CCDC138: variants seen among roughly 807,000 people sequenced by gnomAD.
CCDC138 encodes coiled-coil domain containing 138, also known as coiled-coil domain-containing protein 138.
CCDC138 carries 66 observed loss-of-function variants against 82.3 expected under a neutral mutation model. That is an observed-to-expected ratio of 0.80 (90% CI 0.66 to 0.98). The LOEUF (loss-of-function observed/expected upper bound fraction) is 0.98, where lower values mean the gene tolerates loss of function less well. CCDC138 is among the 50% of genes least tolerant of loss of function. The pLI is 0.00. For missense variants in CCDC138, 816 were observed against 758.9 expected (o/e 1.08, Z -0.88); for synonymous variants, 297 against 265.4 (o/e 1.12, Z -1.16).
At chr2:108,790,887 G>A (rs961230393) in intron 3 of CCDC138, among the ~76,000 whole-genome samples, 1 of 151,962 alleles carries the variant, frequency 6.6e-6, no homozygotes, top group East Asian at 1.9e-4. Flanking sequence ...GAGTAGCTGG[G>A]ACTACAGACG....
At chr2:108,789,612 C>CA (rs1679563156) in intron 3 of CCDC138, among the ~76,000 whole-genome samples, 4 of 151,744 alleles carry the variant, frequency 2.6e-5, no homozygotes, top group Non-Finnish European at 5.9e-5. Flanking sequence ...AAACGAACTA[C>CA]AAAAAAAACT....
In CCDC138 at chr2:108,831,100, C is replaced by T. The variant is rs144448242; in HGVS notation, c.1207-8085C>T. ...TGAGGCACCAGAATCGCTTAAACCC[C>T]GGAGGCAGAAGTTTCAGTGAGCCAA... On this transcript the variant is annotated intron_variant, in intron 10 of 14. Transcript: ENST00000295124. Among the ~76,000 whole-genome samples the T allele has an allele frequency of 5.6e-3, 853 of 151,932 alleles. 4 individuals are homozygous for T. Among genetic ancestry groups the T allele is most frequent in the South Asian group, 0.034 (164 of 4,822 alleles).
intron 5 of CCDC138, 87 bp from the exon 6 acceptor site, chr2:108,798,341 G>A: frequency 6.8e-7 from 1 of 1,463,936 alleles, no homozygotes; most frequent in Non-Finnish European, 9.2e-7. Flanking sequence ...AAAACCACTT[G>A]GTTAAACCAC....
intron 11 of CCDC138, 77 bp downstream of exon 11, chr2:108,839,378 G>GATA: frequency 8.3e-7 from 1 of 1,199,056 alleles, no homozygotes; most frequent in Non-Finnish European, 1.2e-6. Flanking sequence ...CACAATATCT[G>GATA]TTTTGAATAT....
chr2:108,831,031 C>T (rs903339602), intron 10 of CCDC138, among the ~76,000 whole-genome samples: 2 of 151,944 alleles, frequency 1.3e-5, no homozygotes, highest in Non-Finnish European at 2.9e-5. Flanking sequence ...AAAAATTAGC[C>T]AGGCATGGTG....
intron 6 of CCDC138, among the ~76,000 whole-genome samples, chr2:108,799,053 C>CG (rs558778006): frequency 1.3e-4 from 20 of 151,472 alleles, no homozygotes; most frequent in African/African-American, 4.1e-4. Context: ...GTTTGTGGGG[C>CG]GGGGGGGTTG....
intron 6 of CCDC138, among the ~76,000 whole-genome samples, chr2:108,803,300 G>C (rs891300908): frequency 2.0e-5 from 3 of 152,080 alleles, no homozygotes; most frequent in African/African-American, 7.2e-5. Flanking sequence ...AGGATCCTCT[G>C]TTTGAGTCTC....
intron 13 of CCDC138, among the ~76,000 whole-genome samples, chr2:108,872,973 C>T (rs1073895): frequency 0.14 from 21,643 of 151,984 alleles, 2,642 homozygotes; most frequent in African/African-American, 0.33. Context: ...GAATCTTTTC[C>T]CTTTTTGCTT....
At chr2:108,816,638 C>G (rs775917045) in intron 10 of CCDC138, among the ~76,000 whole-genome samples, 1 of 152,042 alleles carries the variant, frequency 6.6e-6, no homozygotes, top group African/African-American at 2.4e-5. Context: ...ATCCATGAAC[C>G]CTTGGATGAA....
intron 2 of CCDC138, chr2:108,884,654 G>A (rs1206332820): frequency 3.3e-5 from 5 of 152,182 alleles, no homozygotes; most frequent in Admixed American, 3.3e-4. Flanking sequence ...TTTGGCCAAG[G>A]AGCAAATGAC....
intron 6 of CCDC138, 113 bp downstream of exon 6, chr2:108,798,699 C>A: frequency 2.9e-6 from 2 of 691,302 alleles, no homozygotes; most frequent in Non-Finnish European, 2.4e-6. Flanking sequence ...TCCTCCTCCT[C>A]TCCACGCCTA....
At chr2:108,864,499 A>C (rs1241257905) in intron 13 of CCDC138, among the ~76,000 whole-genome samples, 1 of 151,988 alleles carries the variant, frequency 6.6e-6, no homozygotes, top group Non-Finnish European at 1.5e-5. Flanking sequence ...CCATCTCTAC[A>C]AAAAAATTAA....
intron 7 of CCDC138, among the ~76,000 whole-genome samples, chr2:108,808,826 A>T (rs576228105): frequency 6.6e-6 from 1 of 151,798 alleles, no homozygotes; most frequent in African/African-American, 2.4e-5. Flanking sequence ...TATTGTTTCC[A>T]ATCTCATTTG....
At chr2:108,871,504 A>G (rs1695246739) in intron 13 of CCDC138, among the ~76,000 whole-genome samples, 1 of 152,108 alleles carries the variant, frequency 6.6e-6, no homozygotes. Context: ...GTGAGCCGAG[A>G]TCATGCCACT....
intron 5 of CCDC138, among the ~76,000 whole-genome samples, chr2:108,795,956 G>C (rs1442419143): frequency 1.3e-5 from 2 of 152,216 alleles, no homozygotes; most frequent in East Asian, 3.8e-4. Context: ...TTGCAAGGAT[G>C]TATCTATCAT....
chr2:108,839,280 G>A lies in CCDC138; in HGVS notation c.1302G>A (p.Arg434=), dbSNP rs1330475286. ...TAAAATTTATATATTGGTCCCTAAG[G>A]CAGCTAGATGCTGGAGCACAGGTAA... ...PFVKFIYWSL[R]QLDAGAQHST... The change falls in exon 11 of 15, where the codon AGG becomes AGA. Residue 434 remains arginine (R), a synonymous_variant. Coordinates refer to ENST00000295124, the MANE Select transcript of CCDC138 (RefSeq NM_144978.3). 2 of 1,611,486 alleles carry A rather than the reference G, an allele frequency of 1.2e-6. No homozygotes were observed. The highest frequency in any genetic ancestry group is 1.7e-6 in the Non-Finnish European group (2 of 1,178,932).
chr2:108,794,774 C>G, intron 5 of CCDC138, 53 bp downstream of exon 5: 3 of 1,340,990 alleles, frequency 2.2e-6, no homozygotes, highest in South Asian at 2.7e-5. Context: ...TTCTAAGAAC[C>G]AAGCATTTAC....
At chr2:108,857,084 TTTTTTTTTTTTTTG>T (rs1692737574) in intron 13 of CCDC138, 114 bp downstream of exon 13, 1 of 528,244 alleles carries the variant, frequency 1.9e-6, no homozygotes, top group African/African-American at 2.4e-5. Flanking sequence ...TTTTTTTTTT[TTTTTTTTTTTTTTG>T]AGATGGAGTC....
chr2:108,868,754 G>A (rs1227667494), intron 13 of CCDC138, among the ~76,000 whole-genome samples: 1 of 151,956 alleles, frequency 6.6e-6, no homozygotes, highest in African/African-American at 2.4e-5. Flanking sequence ...CTTTGACCAT[G>A]ACACATAAAA....
Sources: gnomAD v4.1 joint callset for allele counts (sites outside exome capture counted in the v4.1 genomes callset) on GRCh38, gnomAD v4.1.1 for gene constraint, MANE v1.5 for transcripts, NCBI Gene and HGNC (gene_info 2026-07-23, HGNC 2026-07-21) for gene names.